NDUFV2: variants seen among roughly 807,000 people sequenced by gnomAD.
NDUFV2 encodes NADH:ubiquinone oxidoreductase core subunit V2.
NDUFV2 carries 18 observed loss-of-function variants against 31.6 expected under a neutral mutation model. The ratio of observed to expected loss-of-function variants is 0.57; its 90% CI spans 0.39 to 0.84. The LOEUF is 0.84. Among genes scored for constraint, NDUFV2 ranks in the 40% least tolerant of loss-of-function variants. NDUFV2 has a pLI of 0.00. For synonymous variants in NDUFV2, 83 were observed against 99.8 expected, an observed-to-expected ratio of 0.83 and a Z score of 1.01; for missense variants, 314 against 303.6, an observed-to-expected ratio of 1.03 and a Z score of -0.26.
In NDUFV2 at chr18:9,122,016, A is replaced by G. The variant is rs556356222; in HGVS notation, c.301-497A>G. Among the ~76,000 whole-genome samples the G allele has an allele frequency of 2.5e-4, 38 of 152,316 alleles. 1 individual carries two copies. The East Asian group carries it at 4.6e-3, about 19-fold the overall frequency. On this transcript the variant is annotated intron_variant, in intron 4 of 7. Coordinates refer to ENST00000318388, the MANE Select transcript of NDUFV2 (RefSeq NM_021074.5). ...GTTTACATATTTAAAATATGGGCCA[A>G]TAGTGAGCTTTGATTTTCAACCTTT...
rs376880054 is a variant in NDUFV2, at chr18:9,119,320, G to A, written c.121-6G>A. The A allele has an allele frequency of 8.7e-6, 14 of 1,610,990 alleles. No individual in the cohort carries two copies. The African/African-American group carries it at 1.7e-4, about 20-fold the overall frequency. On this transcript the variant is annotated splice_polypyrimidine_tract_variant and splice_region_variant and intron_variant, in intron 2 of 7. Transcript: ENST00000318388. ...ATAAGTCTGAAAAACTGTTTTTGTT[G>A]TGTAGCACAGAGATACTCCTGAGAA... is the stretch of plus-strand genomic sequence containing the variant.
At chr18:9,103,278 T>C (rs1420099349) in intron 1 of NDUFV2, 1 of 397,150 alleles carries the variant, frequency 2.5e-6, no homozygotes, top group Non-Finnish European at 4.4e-6. Flanking sequence ...AATGTTTGAT[T>C]TACTGCAGTT....
intron 1 of NDUFV2, chr18:9,104,359 T>A: frequency 6.8e-7 from 1 of 1,464,426 alleles, no homozygotes; most frequent in South Asian, 1.3e-5. Context: ...AGGAATAAGA[T>A]GTGGTTTCTG....
At chr18:9,104,846 G>C in intron 1 of NDUFV2, 2 of 1,302,856 alleles carry the variant, frequency 1.5e-6, no homozygotes, top group Non-Finnish European at 2.1e-6. Context: ...ACAATACTGA[G>C]ACTAGCAAGT....
chr18:9,122,469 C>T, intron 4 of NDUFV2, 44 bp from the exon 5 acceptor site: 1 of 1,491,454 alleles, frequency 6.7e-7, no homozygotes, highest in Non-Finnish European at 9.4e-7. Flanking sequence ...AGCTCCATTA[C>T]TAACACTGTA....
At position 9,114,381 on chromosome 18, in the gene NDUFV2, TA is replaced by T. The variant is rs538558767; in HGVS notation, c.55-3454del. Among the ~76,000 whole-genome samples the T allele has an allele frequency of 1.5e-3, 226 of 151,160 alleles. 2 individuals are homozygous for T. Among genetic ancestry groups the T allele is most frequent in the African/African-American group, 5.2e-3 (216 of 41,292 alleles). On this transcript the variant is annotated intron_variant, in intron 1 of 7. Transcript: ENST00000318388. ...GTTGTGTTTGACAGTAACTCTTTGATAAAGTCAACTAACAGCACAATTTTTT... is the reference window on the plus strand; with the variant it reads ...GTTGTGTTTGACAGTAACTCTTTGATAAGTCAACTAACAGCACAATTTTTT...
intron 7 of NDUFV2, among the ~76,000 whole-genome samples, chr18:9,127,313 C>T (rs2143077975): frequency 6.6e-6 from 1 of 152,288 alleles, no homozygotes. Context: ...CTGTCTTCCC[C>T]TTATCTTTTT....
chr18:9,126,816 T>TA lies in NDUFV2; in HGVS notation c.580-13dup. On this transcript the variant is annotated splice_polypyrimidine_tract_variant and intron_variant, in intron 6 of 7. Transcript: ENST00000318388. ...AAAGTAATTTAAATATGACTATTGTTAATTTTTTTTCCAGGAGGATTTGAC... is the reference window on the plus strand; with the variant it reads ...AAAGTAATTTAAATATGACTATTGTTAAATTTTTTTTCCAGGAGGATTTGAC... 1 of 1,599,836 alleles carries TA rather than the reference T, an allele frequency of 6.3e-7. No homozygotes were observed. Among genetic ancestry groups the TA allele is most frequent in the Non-Finnish European group, 8.6e-7 (1 of 1,167,184 alleles).
chr18:9,110,786 G>C (rs1459917040), intron 1 of NDUFV2, among the ~76,000 whole-genome samples: 1 of 152,172 alleles, frequency 6.6e-6, no homozygotes, highest in East Asian at 1.9e-4. Context: ...GGGATTATGG[G>C]TGTGAGCCAC....
intron 1 of NDUFV2, chr18:9,104,988 A>C: frequency 1.3e-6 from 2 of 1,543,504 alleles, no homozygotes; most frequent in South Asian, 2.4e-5. Flanking sequence ...AGGTATTTAT[A>C]CTGTTTGGTA....
chr18:9,104,989 C>T (rs1252342119), intron 1 of NDUFV2: 1 of 1,542,940 alleles, frequency 6.5e-7, no homozygotes, highest in South Asian at 1.2e-5. Context: ...GGTATTTATA[C>T]TGTTTGGTAG....
chr18:9,119,242 A>G (rs1233314095), intron 2 of NDUFV2, 84 bp from the exon 3 acceptor site: 2 of 1,055,624 alleles, frequency 1.9e-6, no homozygotes, highest in African/African-American at 1.6e-5. Flanking sequence ...GAGATTAAAC[A>G]ATAAGTAATA....
At chr18:9,130,571 C>G (rs1226933115) in intron 7 of NDUFV2, among the ~76,000 whole-genome samples, 2 of 152,102 alleles carry the variant, frequency 1.3e-5, no homozygotes, top group Admixed American at 6.5e-5. Context: ...CATATGAAAA[C>G]AAGAACTTTT....
chr18:9,105,379 A>C (rs1373567571), intron 1 of NDUFV2, among the ~76,000 whole-genome samples: 1 of 152,214 alleles, frequency 6.6e-6, no homozygotes, highest in Non-Finnish European at 1.5e-5. Flanking sequence ...AATCTCTTTG[A>C]GCCTCATTTT....
At chr18:9,122,019 G>C (rs1177998218) in intron 4 of NDUFV2, among the ~76,000 whole-genome samples, 1 of 152,148 alleles carries the variant, frequency 6.6e-6, no homozygotes, top group Non-Finnish European at 1.5e-5. Context: ...TGGGCCAATA[G>C]TGAGCTTTGA....
chr18:9,122,197 C>A (rs1004054811), intron 4 of NDUFV2, among the ~76,000 whole-genome samples: 4 of 152,060 alleles, frequency 2.6e-5, no homozygotes, highest in Non-Finnish European at 5.9e-5. Flanking sequence ...AGTAGAAATT[C>A]TTAATAGTGA....
intron 1 of NDUFV2, among the ~76,000 whole-genome samples, chr18:9,111,288 A>T (rs1445648542): frequency 6.6e-6 from 1 of 152,224 alleles, no homozygotes; most frequent in Non-Finnish European, 1.5e-5. Flanking sequence ...ACCTTGCAGG[A>T]AACTTTAAGA....
chr18:9,132,599 G>A (rs1040279880), intron 7 of NDUFV2, among the ~76,000 whole-genome samples: 5 of 152,154 alleles, frequency 3.3e-5, no homozygotes, highest in Non-Finnish European at 7.4e-5. Context: ...ATTACAGGCC[G>A]GGCACAGTGG....
intron 6 of NDUFV2, among the ~76,000 whole-genome samples, chr18:9,125,451 A>G (rs1347244264): frequency 1.3e-5 from 2 of 152,124 alleles, no homozygotes; most frequent in African/African-American, 2.4e-5. Context: ...CTTTTTAAAA[A>G]AATTTTATAG....
Sources: allele counts gnomAD v4.1 joint callset (sites outside exome capture counted in the v4.1 genomes callset), GRCh38; gene constraint gnomAD v4.1.1; transcripts MANE v1.5; gene names NCBI Gene and HGNC (gene_info 2026-07-23, HGNC 2026-07-21).